CROCC2: variants seen among roughly 807,000 people sequenced by gnomAD.
CROCC2 encodes the protein ciliary rootlet coiled-coil protein 2.
In CROCC2, 163 loss-of-function variants were observed where a neutral mutation model predicts 177.6. The observed-to-expected ratio is 0.92, with a 90% CI of 0.81 to 1.05. The LOEUF (loss-of-function observed/expected upper bound fraction) is 1.05. CROCC2 is among the 50% of genes least tolerant of loss of function. The probability of loss-of-function intolerance (pLI) is 0.00; values close to 1 mark genes in which losing one functional copy is unlikely to be tolerated. For synonymous variants in CROCC2, 904 were observed against 787.3 expected, an observed-to-expected ratio of 1.15 and a Z score of -2.48; for missense variants, 1,929 against 1,797.8, an observed-to-expected ratio of 1.07 and a Z score of -1.32.
intron 28 of CROCC2, chr2:240,985,754 A>ACTCCACACACACACACCCAGGCACTCC (rs2059836789): frequency 4.0e-6 from 1 of 251,066 alleles, no homozygotes; most frequent in Non-Finnish European, 7.5e-6. Flanking sequence ...CCAGGCACTC[A>ACTCCACACACACACACCCAGGCACTCC]CTCCACACAC....
chr2:240,967,110 C>T (rs955441673), intron 25 of CROCC2, among the ~76,000 whole-genome samples: 2 of 152,132 alleles, frequency 1.3e-5, no homozygotes, highest in Non-Finnish European at 2.9e-5. Flanking sequence ...CCCTTTAGGC[C>T]GAGTCTCACT....
In CROCC2 at chr2:240,932,343, G is replaced by A. The variant is rs1559594888; in HGVS notation, c.973G>A (p.Glu325Lys). The A allele has an allele frequency of 2.8e-6, 2 of 716,996 alleles. No individual in the cohort carries two copies. Among genetic ancestry groups the A allele is most frequent in the Non-Finnish European group, 5.2e-6 (2 of 384,748 alleles). The allele number at this position is 716,996 out of a possible 1,614,324, so 44.4% of individuals were successfully genotyped here. The change falls in exon 8 of 32, where the codon GAG (glutamate) becomes AAG (lysine). Residue 325 changes from glutamate to lysine, a missense_variant. Coordinates refer to ENST00000690015, the MANE Select transcript of CROCC2 (RefSeq NM_001351305.2). The part of the protein sequence containing the change: ...ARLSEQTLLV[E>K]KLTEQNEQKA... ...ACTCTCGGAGCAAACCCTGCTGGTG[G>A]AGAAGCTTACAGAGCAGAATGAGCA...
chr2:240,984,547 TCACTCCACACAC>T (rs2106491768), intron 28 of CROCC2, among the ~76,000 whole-genome samples: 2 of 98,974 alleles, frequency 2.0e-5, no homozygotes, highest in East Asian at 6.4e-4. Flanking sequence ...ACCCAGGCAC[TCACTCCACACAC>T]ACCCAGGCAC....
intron 27 of CROCC2, among the ~76,000 whole-genome samples, chr2:240,974,633 G>A (rs770296156): frequency 1.2e-4 from 17 of 146,896 alleles, no homozygotes; most frequent in Non-Finnish European, 2.2e-4. Flanking sequence ...GCCTCCCAAA[G>A]TGCTGGGATT....
rs1350790203 is a variant in CROCC2, at chr2:240,918,030, C to T, written c.79-696C>T. On this transcript the variant is annotated intron_variant, in intron 1 of 31. Coordinates refer to ENST00000690015, the MANE Select transcript of CROCC2 (RefSeq NM_001351305.2). The surrounding 1 kb of genome is among the most constrained non-coding windows in gnomAD (Gnocchi z 6.3). ...CTCCTGGGGCAGAAGGGCAGCCATT[C>T]AGCAAACACCTCCTGAGTGTGAGCC... is the stretch of plus-strand genomic sequence containing the variant. Among the ~76,000 whole-genome samples, 1 of 152,230 alleles carries T rather than the reference C, an allele frequency of 6.6e-6. No individual in the cohort carries two copies. The highest frequency in any genetic ancestry group is 1.9e-4 in the East Asian group (1 of 5,192).
chr2:240,940,808 AC>A (rs1180980663), intron 14 of CROCC2, among the ~76,000 whole-genome samples: 1 of 152,142 alleles, frequency 6.6e-6, no homozygotes, highest in Non-Finnish European at 1.5e-5. Flanking sequence ...GCCCACTCTT[AC>A]CACTTCTATT....
intron 14 of CROCC2, among the ~76,000 whole-genome samples, chr2:240,938,591 T>A (rs991599541): frequency 1.3e-5 from 2 of 152,246 alleles, no homozygotes; most frequent in Admixed American, 1.3e-4. Flanking sequence ...CAATTTCTTC[T>A]TCCCTCCCCT....
chr2:240,910,240 G>A (rs1175170362), intron 1 of CROCC2, among the ~76,000 whole-genome samples: 1 of 152,154 alleles, frequency 6.6e-6, no homozygotes, highest in African/African-American at 2.4e-5. Context: ...CTGCCTTGAG[G>A]GGTGGGGGTG....
Position 240,993,160 on chromosome 2 carries a change from T to G in CROCC2, c.*79T>G, listed in dbSNP as rs1255055538. ...CGCAGGTGGGAGGGGCCCAGCTGATTTCTCAGCGTCACAGTGAAAGGCACC... is the reference window on the plus strand; with the variant it reads ...CGCAGGTGGGAGGGGCCCAGCTGATGTCTCAGCGTCACAGTGAAAGGCACC... On this transcript the variant is annotated 3_prime_UTR_variant, in exon 32 of 32. Coordinates refer to ENST00000690015, the MANE Select transcript of CROCC2 (RefSeq NM_001351305.2). 2 of 701,422 alleles carry G rather than the reference T, an allele frequency of 2.9e-6. No homozygotes were observed. The highest frequency in any genetic ancestry group is 1.8e-5 in the African/African-American group (1 of 56,904). The allele number at this position is 701,422 out of a possible 1,614,324, so 43.4% of individuals were successfully genotyped here. A position where few individuals can be genotyped will look rare whatever the true frequency, so the allele number is the denominator to read the frequency against.
chr2:240,939,973 A>T (rs541589282), intron 14 of CROCC2, among the ~76,000 whole-genome samples: 1 of 152,346 alleles, frequency 6.6e-6, no homozygotes, highest in East Asian at 1.9e-4. Flanking sequence ...TGAACACATC[A>T]AAAGAATGTG....
Position 240,918,739 on chromosome 2 carries a change from C to G in CROCC2, c.92C>G (p.Thr31Ser). Reference sequence around the variant, plus strand: ...GGTGTCTTTCAGAGACTGGAGGACACCATCCTGAGTCCCACAGCCAGCAGG... The same window carrying G: ...GGTGTCTTTCAGAGACTGGAGGACAGCATCCTGAGTCCCACAGCCAGCAGG... ...LDTVIQRLEDTILSPTASRED... is the reference protein window; with the variant it reads ...LDTVIQRLEDSILSPTASRED... The change falls in exon 2 of 32, where the codon ACC becomes AGC. Residue 31 changes from threonine (T) to serine (S), a missense_variant. Around this residue, in one of 3 missense-constraint regions of CROCC2, gnomAD observed 1,397 missense variants for 1,239.9 expected, o/e 1.13. Transcript: ENST00000690015. The surrounding 1 kb of genome is among the most constrained non-coding windows in gnomAD (Gnocchi z 6.3). 1 of 574,610 alleles carries G rather than the reference C, an allele frequency of 1.7e-6. No homozygotes were observed. Among genetic ancestry groups the G allele is most frequent in the East Asian group, 3.3e-5 (1 of 30,742 alleles). The allele number at this position is 574,610 out of a possible 1,614,324, so 35.6% of individuals were successfully genotyped here.
chr2:240,946,007 C>T (rs1559599902), intron 14 of CROCC2, 53 bp from the exon 15 acceptor site: 1 of 1,388,780 alleles, frequency 7.2e-7, no homozygotes, highest in Non-Finnish European at 9.6e-7. Context: ...CCCATGCTCA[C>T]CCACCCACTT....
rs1180910860 is a variant in CROCC2 at position 240,993,263 on chromosome 2, TGTGG to T, written c.*184_*187del. 3 of 543,624 alleles carry T rather than the reference TGTGG, an allele frequency of 5.5e-6. No individual in the cohort carries two copies. The highest frequency in any genetic ancestry group is 6.7e-6 in the Non-Finnish European group (2 of 298,920). The allele number at this position is 543,624 out of a possible 1,614,324, so 33.7% of individuals were successfully genotyped here. On this transcript the variant is annotated 3_prime_UTR_variant, in exon 32 of 32. Coordinates refer to ENST00000690015, the MANE Select transcript of CROCC2 (RefSeq NM_001351305.2). The stretch of plus-strand genomic sequence containing the variant: ...GCTCATGGGGAACATTTGAAATGCA[TGTGG>T]GGGCCTCCGAATTTTGAATTTTAAT...
At chr2:240,922,916 G>A (rs940739051) in intron 4 of CROCC2, among the ~76,000 whole-genome samples, 13 of 152,250 alleles carry the variant, frequency 8.5e-5, no homozygotes, top group Non-Finnish European at 1.9e-4. Flanking sequence ...GAGACCCCAG[G>A]CCGAGTGGAA....
At chr2:240,988,636 TCA>T in intron 28 of CROCC2, 101 bp from the exon 29 acceptor site, 1 of 1,192,380 alleles carries the variant, frequency 8.4e-7, no homozygotes, top group Non-Finnish European at 1.1e-6. Context: ...TTAGGGGAAT[TCA>T]GAGTCCTTCC....
chr2:240,907,752 T>G (rs2059265812), intron 1 of CROCC2, among the ~76,000 whole-genome samples: 1 of 148,734 alleles, frequency 6.7e-6, no homozygotes, highest in South Asian at 2.2e-4. Context: ...TCGGGTGACC[T>G]CTACCTCCTC....
chr2:240,935,486 G>A lies in CROCC2; in HGVS notation c.2067G>A (p.Leu689=), dbSNP rs1368569306. Residue 689 remains leucine, a synonymous_variant, in exon 14 of 32, where the codon CTG becomes CTA. Transcript: ENST00000690015. ...LALERAERRG[L]QQACGRLEQR... is the part of the protein sequence containing the mutation. ...TGGAGCGGGCAGAGCGCAGGGGCCT[G>A]CAGCAGGCCTGCGGACGCCTGGAGC... 1.5e-6 allele frequency: 2 copies of A among 1,352,520 alleles called. No individual in the cohort carries two copies. Among genetic ancestry groups the A allele is most frequent in the Non-Finnish European group, 9.5e-7 (1 of 1,048,412 alleles). 83.8% of individuals were successfully genotyped at this position (1,352,520 alleles called of 1,614,324 possible). A position where few individuals can be genotyped will look rare whatever the true frequency, so the allele number is the denominator to read the frequency against.
chr2:240,959,810 G>A, intron 20 of CROCC2: 1 of 179,010 alleles, frequency 5.6e-6, no homozygotes, highest in South Asian at 1.5e-4. Flanking sequence ...GGTGGACTTG[G>A]CTGGGTCACG....
chr2:240,911,307 T>TTTC (rs1421414493), intron 1 of CROCC2, among the ~76,000 whole-genome samples: 1 of 149,004 alleles, frequency 6.7e-6, no homozygotes, highest in Non-Finnish European at 1.5e-5. Flanking sequence ...TTTTTTTTTT[T>TTTC]TTTTTTTTAG....
Sources: gnomAD v4.1 joint callset for allele counts (sites outside exome capture counted in the v4.1 genomes callset) on GRCh38, gnomAD v4.1.1 for gene constraint, gnomAD v4.1.1 regional missense constraint, Gnocchi (gnomAD v3.1) non-coding constraint, MANE v1.5 for transcripts, NCBI Gene and HGNC (gene_info 2026-07-23, HGNC 2026-07-21) for gene names.